Variants in CECR2 observed in about 807,000 individuals in gnomAD.
CECR2 encodes chromatin remodeling regulator CECR2.
A neutral mutation model predicts 154.5 loss-of-function variants in CECR2; 30 were observed. The observed-to-expected ratio is 0.19, with a 90% CI of 0.15 to 0.26. The LOEUF is 0.26. CECR2 is among the 10% of genes least tolerant of loss of function. The pLI is 1.00. For missense variants in CECR2, 1,743 were observed against 1,829.3 expected, an observed-to-expected ratio of 0.95 and a Z score of 0.86; for synonymous variants, 725 against 683.7, an observed-to-expected ratio of 1.06 and a Z score of -0.94.
In CECR2 at chr22:17,553,166, G is replaced by A. The variant is rs2056734723; in HGVS notation, c.*326G>A. The A allele has an allele frequency of 3.5e-6, 1 of 287,394 alleles. No individual in the cohort carries two copies. The highest frequency in any genetic ancestry group is 6.8e-5 in the East Asian group (1 of 14,746). The allele number at this position is 287,394 out of a possible 1,614,324, so 17.8% of individuals were successfully genotyped here. On this transcript the variant is annotated 3_prime_UTR_variant, in exon 19 of 19. Transcript: ENST00000262608. ...TCAGGGAAAATCACTTTAAACTTGG[G>A]GGAGGGGGTATACTCAAGAATGGAG...
chr22:17,511,144 A>G (rs562112374), intron 7 of CECR2, among the ~76,000 whole-genome samples: 2 of 152,346 alleles, frequency 1.3e-5, no homozygotes, highest in South Asian at 2.1e-4. Context: ...AGTAGGTTAC[A>G]GTTGGTGATG....
chr22:17,426,652 C>T (rs5747125), intron 1 of CECR2, among the ~76,000 whole-genome samples: 10,201 of 152,204 alleles, frequency 0.067, 917 homozygotes, highest in East Asian at 0.36. Context: ...CCACTATGCC[C>T]GGCCTAAATA....
upstream of CECR2, among the ~76,000 whole-genome samples, chr22:17,368,256 A>G (rs574969524): frequency 5.3e-5 from 8 of 152,280 alleles, no homozygotes; most frequent in Non-Finnish European, 1.2e-4. Context: ...ATTGTACACT[A>G]CTTAAAGGTA....
chr22:17,417,032 T>TG (rs928929744), intron 1 of CECR2, among the ~76,000 whole-genome samples: 2 of 152,096 alleles, frequency 1.3e-5, no homozygotes, highest in African/African-American at 2.4e-5. Context: ...TTTTTTTTTT[T>TG]TTTACGACAA....
chr22:17,360,678 GA>G (rs34750748), intron 1 of CECR2, among the ~76,000 whole-genome samples: 26,440 of 133,500 alleles, frequency 0.2, 3,201 homozygotes, highest in African/African-American at 0.36. Context: ...CTCCATCTCG[GA>G]AAAAAAAAAA....
chr22:17,521,046 C>T (rs1322058682), intron 8 of CECR2, among the ~76,000 whole-genome samples: 1 of 152,130 alleles, frequency 6.6e-6, no homozygotes, highest in Non-Finnish European at 1.5e-5. Context: ...AACCAGTTTA[C>T]ACTCCCACCA....
At chr22:17,518,028 T>C (rs559610332) in intron 8 of CECR2, among the ~76,000 whole-genome samples, 2 of 152,110 alleles carry the variant, frequency 1.3e-5, no homozygotes, top group South Asian at 4.1e-4. Context: ...TCTGGGGAGA[T>C]GGTGTTCCTT....
At chr22:17,462,452 C>T (rs2054956731) in intron 1 of CECR2, among the ~76,000 whole-genome samples, 1 of 152,014 alleles carries the variant, frequency 6.6e-6, no homozygotes, top group Admixed American at 6.6e-5. Context: ...ATGTTAAGTT[C>T]AGGATACAGA....
chr22:17,390,287 T>C (rs2063312646), intron 1 of CECR2, among the ~76,000 whole-genome samples: 1 of 152,084 alleles, frequency 6.6e-6, no homozygotes, highest in Non-Finnish European at 1.5e-5. Context: ...ATAACTTGGG[T>C]CATGTGTTTT....
intron 1 of CECR2, among the ~76,000 whole-genome samples, chr22:17,407,972 A>G (rs2054010600): frequency 6.6e-6 from 1 of 152,198 alleles, no homozygotes; most frequent in Admixed American, 6.5e-5. Flanking sequence ...TTTGGTGACT[A>G]ATAATCTTGT....
intron 1 of CECR2, among the ~76,000 whole-genome samples, chr22:17,417,722 G>A (rs1367159442): frequency 6.6e-6 from 1 of 152,062 alleles, no homozygotes; most frequent in African/African-American, 2.4e-5. Context: ...GGGTTCAAGG[G>A]ATTCTCATGC....
Position 17,466,882 on chromosome 22 carries a change from GCA to G in CECR2, c.127-10704_127-10703del, listed in dbSNP as rs2055042229. 2.6e-5 allele frequency among the ~76,000 whole-genome samples: 4 copies of G among 152,264 alleles called. No individual in the cohort carries two copies. The South Asian group carries it at 6.2e-4, about 24-fold the overall frequency. ...GCAGGAATTACAGGCGTGAGCCACTGCACTTGGCCAAAACCTTTCATTTTTTT... is the reference window on the plus strand; with the variant it reads ...GCAGGAATTACAGGCGTGAGCCACTGCTTGGCCAAAACCTTTCATTTTTTT... On this transcript the variant is annotated intron_variant, in intron 1 of 18. Transcript: ENST00000262608.
intron 1 of CECR2, among the ~76,000 whole-genome samples, chr22:17,426,383 GTCTC>G (rs903127093): frequency 4.0e-5 from 6 of 151,806 alleles, no homozygotes; most frequent in Admixed American, 3.9e-4. Flanking sequence ...CCTGAGACGA[GTCTC>G]TCTCTGTCTC....
In CECR2 at chr22:17,447,033, CTTTT is replaced by C. The variant is rs1555910503; in HGVS notation, c.127-30539_127-30536del. Among the ~76,000 whole-genome samples the C allele has an allele frequency of 2.6e-4, 30 of 114,098 alleles. 2 individuals are homozygous for C. The highest frequency in any genetic ancestry group is 5.3e-3 in the Middle Eastern group (1 of 190). The allele number at this position is 114,098 out of a possible 152,430, so 74.9% of individuals were successfully genotyped here. A position where few individuals can be genotyped will look rare whatever the true frequency, so the allele number is the denominator to read the frequency against. ...GAGTGCTGAGTGGTGCGTTTACAAT[CTTTT>C]TTTTTTTTTTTTTTTGAGACAGAGT... On this transcript the variant is annotated intron_variant, in intron 1 of 18. Transcript: ENST00000262608.
chr22:17,377,786 A>G lies in CECR2; in HGVS notation c.126+7877A>G, dbSNP rs574300818. Among the ~76,000 whole-genome samples, 13 of 152,228 alleles carry G rather than the reference A, an allele frequency of 8.5e-5. No homozygotes were observed. The East Asian group carries it at 2.5e-3, about 29-fold the overall frequency. On this transcript the variant is annotated intron_variant, in intron 1 of 18. Coordinates refer to ENST00000262608, the MANE Select transcript of CECR2 (RefSeq NM_001290047.2). ...GCCTCTAACAAATATCAGTCAATTTATATTGGAAAACTTGGGGACAGTCAT... is the reference window on the plus strand; with the variant it reads ...GCCTCTAACAAATATCAGTCAATTTGTATTGGAAAACTTGGGGACAGTCAT...
chr22:17,530,544 G>A (rs538218719), intron 9 of CECR2, among the ~76,000 whole-genome samples: 1 of 151,992 alleles, frequency 6.6e-6, no homozygotes, highest in Non-Finnish European at 1.5e-5. Context: ...GGGCATGGTG[G>A]CGTGCACCTG....
At chr22:17,414,967 GAATC>G (rs1301344339) in intron 1 of CECR2, among the ~76,000 whole-genome samples, 1 of 152,156 alleles carries the variant, frequency 6.6e-6, no homozygotes, top group Non-Finnish European at 1.5e-5. Context: ...TTTAAAGTGA[GAATC>G]AATTTTAGAC....
At chr22:17,549,797 T>G (rs1245408946) in intron 17 of CECR2, among the ~76,000 whole-genome samples, 2 of 148,290 alleles carry the variant, frequency 1.3e-5, no homozygotes, top group Admixed American at 6.7e-5. Flanking sequence ...TTTTTTTTTT[T>G]TTTTTTTTGG....
At chr22:17,495,710 A>G (rs1293157401) in intron 2 of CECR2, among the ~76,000 whole-genome samples, 2 of 151,720 alleles carry the variant, frequency 1.3e-5, no homozygotes, top group East Asian at 3.9e-4. Flanking sequence ...AAAATACAAA[A>G]AATTAGCTGG....
Sources: allele counts gnomAD v4.1 joint callset (sites outside exome capture counted in the v4.1 genomes callset), GRCh38; gene constraint gnomAD v4.1.1; transcripts MANE v1.5; gene names NCBI Gene and HGNC (gene_info 2026-07-23, HGNC 2026-07-21).